The following ACER3 variants were observed in gnomAD, a reference collection of about 807,000 sequenced individuals.
The protein encoded by ACER3 is alkCDase 3.
In ACER3, 16 loss-of-function variants were observed where a neutral mutation model predicts 48.9. The ratio of observed to expected loss-of-function variants is 0.33; its 90% CI spans 0.22 to 0.50. The LOEUF (loss-of-function observed/expected upper bound fraction) is 0.50, where lower values mean the gene tolerates loss of function less well. Among genes scored for constraint, ACER3 ranks in the 20% least tolerant of loss-of-function variants. The pLI, the probability that ACER3 is intolerant of heterozygous loss-of-function variation, is 0.98. For synonymous variants in ACER3, 109 were observed against 107.8 expected, an observed-to-expected ratio of 1.01 and a Z score of -0.07; for missense variants, 227 against 326.0, an observed-to-expected ratio of 0.70 and a Z score of 2.34.
chr11:76,965,379 A>G (rs1002201549), intron 3 of ACER3, among the ~76,000 whole-genome samples: 4 of 151,398 alleles, frequency 2.6e-5, no homozygotes, highest in African/African-American at 7.4e-5. Flanking sequence ...GTTGGAAAAC[A>G]CTCTGCAGGA....
chr11:76,886,082 T>C (rs114965191), intron 1 of ACER3, among the ~76,000 whole-genome samples: 264 of 152,312 alleles, frequency 1.7e-3, no homozygotes, highest in African/African-American at 5.8e-3. Context: ...GGTAATATAA[T>C]AGAGAATGGC....
In ACER3 at chr11:76,998,765, C is replaced by T; in HGVS notation, c.441C>T (p.Val147=). The T allele has an allele frequency of 6.3e-7, 1 of 1,592,582 alleles. No homozygotes were observed. Among genetic ancestry groups the T allele is most frequent in the Non-Finnish European group, 8.5e-7 (1 of 1,171,286 alleles). The change falls in exon 7 of 11, where the codon GTC becomes GTT. Residue 147 remains valine, a splice_region_variant and synonymous_variant. Transcript: ENST00000532485. ...LKVKEPIFHQ[V]MYGMLVFTLV... ...CCTCATTTTCCGTTCCTATTTAGGT[C>T]ATGTATGGAATGTTGGTCTTTACAT...
At chr11:76,932,318 TGACAGAAAG>T (rs1947026906) in intron 2 of ACER3, among the ~76,000 whole-genome samples, 1 of 152,188 alleles carries the variant, frequency 6.6e-6, no homozygotes, top group African/African-American at 2.4e-5. Context: ...ATTTCCACAT[TGACAGAAAG>T]GACTTCTAAT....
At position 76,961,876 on chromosome 11, in the gene ACER3, C is replaced by T. The variant is rs796912357; in HGVS notation, c.267+2845C>T. On this transcript the variant is annotated intron_variant, in intron 3 of 10. Coordinates refer to ENST00000532485, the MANE Select transcript of ACER3 (RefSeq NM_018367.7). ...GTATATTTACATAGTTTCAAAGTAC[C>T]TTTCCACAAAATACTTAAAAAGGGG... 4.0e-5 allele frequency among the ~76,000 whole-genome samples: 6 copies of T among 149,028 alleles called. No homozygotes were observed. In the South Asian group the frequency reaches 1.3e-3, roughly 32 times the overall value.
chr11:76,906,801 T>G (rs1414608290), intron 1 of ACER3, among the ~76,000 whole-genome samples: 4 of 151,946 alleles, frequency 2.6e-5, no homozygotes, highest in Admixed American at 2.0e-4. Context: ...GCTCAAGCAG[T>G]CCCCCCACCT....
intron 1 of ACER3, among the ~76,000 whole-genome samples, chr11:76,912,209 CAT>C (rs1946394322): frequency 6.6e-6 from 1 of 152,044 alleles, no homozygotes; most frequent in South Asian, 2.1e-4. Context: ...AACATAGTGA[CAT>C]AGAGAGTAGA....
chr11:77,005,607 TC>T (rs1301807678), intron 7 of ACER3, among the ~76,000 whole-genome samples: 1 of 152,066 alleles, frequency 6.6e-6, no homozygotes, highest in Non-Finnish European at 1.5e-5. Context: ...TTACCTCTCT[TC>T]CTAGCTTCTA....
At chr11:76,879,157 T>C (rs908473657) in intron 1 of ACER3, among the ~76,000 whole-genome samples, 13 of 152,124 alleles carry the variant, frequency 8.5e-5, no homozygotes, top group Non-Finnish European at 1.0e-4. Context: ...GTAGTACATT[T>C]TGATGAAGTC....
intron 2 of ACER3, among the ~76,000 whole-genome samples, chr11:76,929,968 A>G (rs1013161360): frequency 2.0e-5 from 3 of 151,584 alleles, no homozygotes; most frequent in Non-Finnish European, 4.4e-5. Context: ...TGGTATTAGG[A>G]TGAGGCTGGC....
intron 1 of ACER3, among the ~76,000 whole-genome samples, chr11:76,892,052 AC>A (rs1945820281): frequency 6.6e-6 from 1 of 152,204 alleles, no homozygotes; most frequent in Non-Finnish European, 1.5e-5. Flanking sequence ...CATAAACAAT[AC>A]AGCTTCTTGT....
chr11:77,020,472 C>A lies in ACER3; in HGVS notation c.*145C>A. 1.1e-6 allele frequency: 1 copy of A among 877,966 alleles called. No individual in the cohort carries two copies. The highest frequency in any genetic ancestry group is 1.7e-6 in the Non-Finnish European group (1 of 577,134). The allele number at this position is 877,966 out of a possible 1,614,324, so 54.4% of individuals were successfully genotyped here. A position where few individuals can be genotyped will look rare whatever the true frequency, so the allele number is the denominator to read the frequency against. ...TTTCTGACTAATGCTGCCACCCACA[C>A]AGAGAATAAGGAGTAGGGCCTGCTG... On this transcript the variant is annotated 3_prime_UTR_variant, in exon 11 of 11. Coordinates refer to ENST00000532485, the MANE Select transcript of ACER3 (RefSeq NM_018367.7).
intron 1 of ACER3, among the ~76,000 whole-genome samples, chr11:76,922,874 A>T (rs1413189442): frequency 6.6e-6 from 1 of 152,192 alleles, no homozygotes; most frequent in Non-Finnish European, 1.5e-5. Flanking sequence ...TATAAAGTTC[A>T]GTACCTGGTA....
At position 77,021,487 on chromosome 11, in the gene ACER3, G is replaced by A. The variant is rs1469456411; in HGVS notation, c.*1160G>A. The A allele has an allele frequency of 6.6e-6, 1 of 152,132 alleles. No individual in the cohort carries two copies. The highest frequency in any genetic ancestry group is 1.5e-5 in the Non-Finnish European group (1 of 68,034). The allele number at this position is 152,132 out of a possible 1,614,324, so 9.4% of individuals were successfully genotyped here. A position where few individuals can be genotyped will look rare whatever the true frequency, so the allele number is the denominator to read the frequency against. ...TTTGCATTTGAATGTATAACAAATT[G>A]CATCACTTTTCACAAACTTAACACC... On this transcript the variant is annotated 3_prime_UTR_variant, in exon 11 of 11. Transcript: ENST00000532485.
chr11:76,911,923 C>A (rs1474273098), intron 1 of ACER3, among the ~76,000 whole-genome samples: 1 of 152,124 alleles, frequency 6.6e-6, no homozygotes, highest in African/African-American at 2.4e-5. Context: ...AAGGAAAATT[C>A]TTAGAGGGAA....
chr11:76,902,433 C>T (rs920381903), intron 1 of ACER3, among the ~76,000 whole-genome samples: 2 of 152,196 alleles, frequency 1.3e-5, no homozygotes, highest in Admixed American at 6.5e-5. Context: ...GTTTTTGCTC[C>T]TGCTGGCATA....
chr11:76,920,347 CA>C (rs1373956139), intron 1 of ACER3, among the ~76,000 whole-genome samples: 2 of 152,166 alleles, frequency 1.3e-5, no homozygotes, highest in African/African-American at 2.4e-5. Flanking sequence ...AAGTTCTGAA[CA>C]GTAGATTTCA....
intron 7 of ACER3, among the ~76,000 whole-genome samples, chr11:77,003,630 T>C (rs1395095158): frequency 6.6e-6 from 1 of 152,208 alleles, no homozygotes; most frequent in East Asian, 1.9e-4. Context: ...GTTCTTGAGA[T>C]GGAAGCTTAA....
Position 76,998,795 on chromosome 11 carries a change from A to T in ACER3, c.471A>T (p.Val157=). The T allele has an allele frequency of 1.3e-6, 2 of 1,597,940 alleles. No individual in the cohort carries two copies. Among genetic ancestry groups the T allele is most frequent in the Non-Finnish European group, 8.5e-7 (1 of 1,174,044 alleles). Residue 157 remains valine, a synonymous_variant, in exon 7 of 11, where the codon GTA becomes GTT. Coordinates refer to ENST00000532485, the MANE Select transcript of ACER3 (RefSeq NM_018367.7). ...VMYGMLVFTL[V]LRSIYIVTWV... ...ATGGAATGTTGGTCTTTACATTAGT[A>T]CTTCGATCTATTTATATTGTTACAT...
At chr11:76,861,747 C>T (rs1944946028) in intron 1 of ACER3, among the ~76,000 whole-genome samples, 1 of 152,188 alleles carries the variant, frequency 6.6e-6, no homozygotes, top group Non-Finnish European at 1.5e-5. Flanking sequence ...TAGCCTGTAC[C>T]TTCTGCCCCT....
Sources: allele counts gnomAD v4.1 joint callset (sites outside exome capture counted in the v4.1 genomes callset), GRCh38; gene constraint gnomAD v4.1.1; transcripts MANE v1.5; gene names NCBI Gene and HGNC (gene_info 2026-07-23, HGNC 2026-07-21).